CFAP74: variants seen among roughly 807,000 people sequenced by gnomAD.
CFAP74 encodes the protein cilia- and flagella-associated protein 74.
In CFAP74, 124 loss-of-function variants were observed where a neutral mutation model predicts 188.9. The observed-to-expected ratio is 0.66, with a 90% CI of 0.57 to 0.76. The LOEUF is 0.76. Ranked by LOEUF, CFAP74 falls within the 30% of genes least tolerant of loss-of-function variation. The probability of loss-of-function intolerance (pLI) is 0.00; values close to 1 mark genes in which losing one functional copy is unlikely to be tolerated. For missense variants in CFAP74, 2,198 were observed against 2,165.2 expected, an observed-to-expected ratio of 1.02 and a Z score of -0.30; for synonymous variants, 956 against 916.7, an observed-to-expected ratio of 1.04 and a Z score of -0.77.
intron 2 of CFAP74, among the ~76,000 whole-genome samples, chr1:1,990,336 G>A (rs916886096): frequency 1.3e-5 from 2 of 150,554 alleles, no homozygotes; most frequent in Non-Finnish European, 3.0e-5. Flanking sequence ...TAAAAATGAT[G>A]GAAAAGGCAG....
rs759751859 is a variant in CFAP74, at chr1:1,924,539, G to A, written c.4105-19C>T. 1.3e-5 allele frequency: 21 copies of A among 1,593,026 alleles called. No individual in the cohort carries two copies. The highest frequency in any genetic ancestry group is 6.9e-5 in the Admixed American group (4 of 57,740). ...TCTGCAGCTGCAGAGAGCAGGCCGC[G>A]GTCACTGCCCGCCAGCCCCTGCCTG... is the stretch of plus-strand genomic sequence containing the variant. On this transcript the variant is annotated intron_variant, in intron 33 of 38. Transcript: ENST00000682832.
rs1169953881 is a variant in CFAP74 at position 1,980,154 on chromosome 1, G to A, written c.500+5232C>T. Among the ~76,000 whole-genome samples the A allele has an allele frequency of 4.3e-5, 3 of 70,060 alleles. No homozygotes were observed. In the East Asian group the frequency reaches 1.2e-3, roughly 29 times the overall value. The allele number at this position is 70,060 out of a possible 152,430, so 46.0% of individuals were successfully genotyped here. A position where few individuals can be genotyped will look rare whatever the true frequency, so the allele number is the denominator to read the frequency against. On this transcript the variant is annotated intron_variant, in intron 6 of 38. Transcript: ENST00000682832. ...GCCCTCTTACCGCGTGGGGAGGACG[G>A]GTGAACGAGAGACTGTATCTAAGCC...
chr1:1,981,082 C>G (rs1254656181), intron 6 of CFAP74, among the ~76,000 whole-genome samples: 3 of 152,218 alleles, frequency 2.0e-5, no homozygotes, highest in African/African-American at 4.8e-5. Context: ...GAAGCGGGGA[C>G]CACGCTCTCC....
At position 1,926,254 on chromosome 1, in the gene CFAP74, A is replaced by G; in HGVS notation, c.3922T>C (p.Ser1308Pro). Residue 1308 changes from serine (S) to proline (P), a missense_variant, in exon 32 of 39, where the codon TCC becomes CCC. Transcript: ENST00000682832. ...RAGGTQVLVLSFSPHESILAQ... is the reference protein window; with the variant it reads ...RAGGTQVLVLPFSPHESILAQ... ...AGGATGCTCTCGTGGGGAGAGAAGG[A>G]AAGCACCAGGACCTGGGTCCCACCT... 6.5e-7 allele frequency: 1 copy of G among 1,526,840 alleles called. No individual in the cohort carries two copies. The highest frequency in any genetic ancestry group is 2.5e-5 in the East Asian group (1 of 40,684). 94.6% of individuals were successfully genotyped at this position (1,526,840 alleles called of 1,614,324 possible). A position where few individuals can be genotyped will look rare whatever the true frequency, so the allele number is the denominator to read the frequency against.
At position 1,975,701 on chromosome 1, in the gene CFAP74, C is replaced by T. The variant is rs543351917; in HGVS notation, c.501-1503G>A. Among the ~76,000 whole-genome samples, 7 of 152,158 alleles carry T rather than the reference C, an allele frequency of 4.6e-5. No individual in the cohort carries two copies. Among genetic ancestry groups the T allele is most frequent in the Non-Finnish European group, 7.3e-5 (5 of 68,034 alleles). The stretch of plus-strand genomic sequence containing the variant: ...TCTGGGGGACTCCGCGGAGCTTCCA[C>T]GGGCGGGTTATTTCTATTCCTCCCT... On this transcript the variant is annotated intron_variant, in intron 6 of 38. Transcript: ENST00000682832. This position sits in a 1 kb window ranked among gnomAD's most constrained non-coding sequence, Gnocchi z 4.5.
Position 1,923,889 on chromosome 1 carries a change from G to C in CFAP74, c.4275C>G (p.Ala1425=). 6.2e-7 allele frequency: 1 copy of C among 1,612,950 alleles called. No homozygotes were observed. Among genetic ancestry groups the C allele is most frequent in the South Asian group, 1.1e-5 (1 of 91,078 alleles). The change falls in exon 35 of 39, where the codon GCC becomes GCG. Residue 1425 remains alanine (A), a synonymous_variant. Coordinates refer to ENST00000682832, the MANE Select transcript of CFAP74 (RefSeq NM_001304360.2). The surrounding 1 kb of genome is among the most constrained non-coding windows in gnomAD (Gnocchi z 6.3). The part of the protein sequence containing the change: ...NLNGQSVFSV[A]PVKGVMDPGK... ...CGGGGTCCATGACGCCCTTGACGGGGGCCACGCTGAACACGCTCTGACCGT... is the reference window on the plus strand; with the variant it reads ...CGGGGTCCATGACGCCCTTGACGGGCGCCACGCTGAACACGCTCTGACCGT...
intron 1 of CFAP74, among the ~76,000 whole-genome samples, chr1:2,001,037 C>T (rs965061074): frequency 2.0e-5 from 3 of 151,954 alleles, no homozygotes; most frequent in African/African-American, 7.3e-5. Context: ...CGGAGCCTGG[C>T]TGGGTGAGGA....
chr1:1,966,379 G>T lies in CFAP74; in HGVS notation c.1393C>A (p.Pro465Thr). The T allele has an allele frequency of 6.4e-7, 1 of 1,572,844 alleles. No homozygotes were observed. Among genetic ancestry groups the T allele is most frequent in the Non-Finnish European group, 8.6e-7 (1 of 1,157,520 alleles). The change falls in exon 12 of 39, where the codon CCA becomes ACA. Residue 465 changes from proline (P) to threonine (T), a missense_variant. By Grantham distance (38) the Pro-to-Thr change is conservative. Coordinates refer to ENST00000682832, the MANE Select transcript of CFAP74 (RefSeq NM_001304360.2). ...GGAGCAGGAGCTGATACCTGGTATGGCTTGTAGTCTTCATTCCAAAGCCCA... is the reference window on the plus strand; with the variant it reads ...GGAGCAGGAGCTGATACCTGGTATGTCTTGTAGTCTTCATTCCAAAGCCCA... ...ISGLWNEDYK[P>T]YQVPKEDVDR... is the part of the protein sequence containing the mutation.
At chr1:1,967,947 GAATC>G (rs1311641432) in intron 11 of CFAP74, among the ~76,000 whole-genome samples, 1 of 126,026 alleles carries the variant, frequency 7.9e-6, no homozygotes, top group Non-Finnish European at 1.7e-5. Flanking sequence ...ATGAATGAGT[GAATC>G]AGTGAGTGAG....
At chr1:1,979,621 A>G (rs112532797) in intron 6 of CFAP74, among the ~76,000 whole-genome samples, 6,245 of 39,478 alleles carry the variant, frequency 0.16, 848 homozygotes, top group African/African-American at 0.34. Flanking sequence ...GTGGGAAGGC[A>G]TCACGTGACG....
intron 18 of CFAP74, chr1:1,953,323 T>C (rs1654317689): frequency 6.6e-6 from 1 of 151,620 alleles, no homozygotes; most frequent in Non-Finnish European, 1.5e-5. Context: ...GAGACAGTAT[T>C]TTACTCTTAT....
At chr1:1,960,230 C>A in intron 14 of CFAP74, 200 bp from the exon 15 acceptor site, 1 of 577,084 alleles carries the variant, frequency 1.7e-6, no homozygotes, top group Non-Finnish European at 3.0e-6. Context: ...AGGCAGGGGG[C>A]GCTCCAGTGT....
chr1:1,938,696 G>A (rs538398407), intron 25 of CFAP74, among the ~76,000 whole-genome samples, 159 bp downstream of exon 25: 1 of 152,236 alleles, frequency 6.6e-6, no homozygotes, highest in Non-Finnish European at 1.5e-5. Context: ...TCTGCACCCA[G>A]GTTTGAGGTT....
At chr1:1,971,055 A>C in intron 9 of CFAP74, among the ~76,000 whole-genome samples, 1 of 144,348 alleles carries the variant, frequency 6.9e-6, no homozygotes, top group African/African-American at 2.6e-5. Flanking sequence ...GTGCACACAC[A>C]TGCTCACACA....
intron 18 of CFAP74, chr1:1,954,994 G>A (rs927551594): frequency 5.2e-6 from 6 of 1,164,090 alleles, no homozygotes; most frequent in Non-Finnish European, 5.4e-6. Context: ...CTCAGGAAAG[G>A]AAACGCCACG....
chr1:1,944,671 A>C (rs1653628758), intron 20 of CFAP74, among the ~76,000 whole-genome samples: 1 of 152,088 alleles, frequency 6.6e-6, no homozygotes, highest in African/African-American at 2.4e-5. Flanking sequence ...CAATGGTGCG[A>C]TCTCGGCTCA....
At chr1:1,952,547 AAAGG>A (rs1289436890) in intron 18 of CFAP74, among the ~76,000 whole-genome samples, 3 of 151,144 alleles carry the variant, frequency 2.0e-5, no homozygotes, top group Admixed American at 6.6e-5. Flanking sequence ...AAGAAAGAAA[AAAGG>A]AAGGAAGGAA....
At chr1:1,939,037 G>A (rs1653161052) in intron 24 of CFAP74, 49 bp from the exon 25 acceptor site, 1 of 1,519,628 alleles carries the variant, frequency 6.6e-7, no homozygotes, top group African/African-American at 1.4e-5. Context: ...AGACCATGTG[G>A]ACACACGTGC....
chr1:1,945,647 G>T (rs1388895224), intron 20 of CFAP74, among the ~76,000 whole-genome samples: 1 of 152,084 alleles, frequency 6.6e-6, no homozygotes, highest in African/African-American at 2.4e-5. Context: ...GGCCAACACA[G>T]TGAAACCCCA....
Sources: allele counts gnomAD v4.1 joint callset (sites outside exome capture counted in the v4.1 genomes callset), GRCh38; gene constraint gnomAD v4.1.1; non-coding constraint Gnocchi (gnomAD v3.1); transcripts MANE v1.5; gene names NCBI Gene and HGNC (gene_info 2026-07-23, HGNC 2026-07-21).